The following UCMA variants were observed in gnomAD, a reference collection of about 807,000 sequenced individuals.
The protein encoded by UCMA is upper zone of growth plate and cartilage matrix associated, also known as upper zone of growth plate and cartilage matrix-associated protein.
Under a neutral mutation model 21.8 loss-of-function variants are expected in UCMA, and 21 were observed. That is an observed-to-expected ratio of 0.97 (90% CI 0.68 to 1.39). The LOEUF (loss-of-function observed/expected upper bound fraction) is 1.39, where lower values mean the gene tolerates loss of function less well. Among genes scored for constraint, UCMA ranks in the 40% most tolerant of loss-of-function variants. UCMA has a pLI of 0.00. For synonymous variants in UCMA, 76 were observed against 67.9 expected, an observed-to-expected ratio of 1.12 and a Z score of -0.58; for missense variants, 193 against 178.9, an observed-to-expected ratio of 1.08 and a Z score of -0.45.
chr10:13,232,314 A>G (rs572254751), intron 3 of UCMA, among the ~76,000 whole-genome samples: 27 of 147,878 alleles, frequency 1.8e-4, no homozygotes, highest in Non-Finnish European at 3.6e-4. Flanking sequence ...GGAGGTTGCA[A>G]TGAGCCAAGA....
At chr10:13,223,316 G>A (rs745399969) in intron 4 of UCMA, among the ~76,000 whole-genome samples, 4 of 151,948 alleles carry the variant, frequency 2.6e-5, no homozygotes, top group Admixed American at 6.6e-5. Flanking sequence ...CTACGTGAAT[G>A]TTCGTAGCGC....
chr10:13,224,014 G>A (rs75473749), intron 4 of UCMA, among the ~76,000 whole-genome samples: 1 of 152,122 alleles, frequency 6.6e-6, no homozygotes, highest in Non-Finnish European at 1.5e-5. Context: ...AGTAAATGCT[G>A]CTGAATCGTA....
intron 4 of UCMA, 26 bp downstream of exon 4, chr10:13,229,585 G>A (rs1005852154): frequency 6.2e-7 from 1 of 1,601,854 alleles, no homozygotes; most frequent in Non-Finnish European, 8.5e-7. Context: ...CCACCTCCCT[G>A]AAGACACTGG....
intron 4 of UCMA, among the ~76,000 whole-genome samples, chr10:13,223,584 C>G (rs766894665): frequency 1.3e-5 from 2 of 152,100 alleles, no homozygotes; most frequent in Non-Finnish European, 2.9e-5. Context: ...TTTTGACTCT[C>G]GCTCTGTCAC....
intron 4 of UCMA, among the ~76,000 whole-genome samples, chr10:13,225,902 C>T (rs1437412479): frequency 6.6e-6 from 1 of 152,082 alleles, no homozygotes; most frequent in Non-Finnish European, 1.5e-5. Context: ...TTCCAAAACT[C>T]ATCCTCCGGA....
intron 1 of UCMA, 75 bp from the exon 2 acceptor site, chr10:13,233,875 C>T: frequency 6.3e-7 from 1 of 1,576,122 alleles, no homozygotes; most frequent in Non-Finnish European, 8.6e-7. Flanking sequence ...CCCCATCTCT[C>T]TTTCCAGGCT....
In UCMA at chr10:13,234,286, G is replaced by C. The variant is rs773225819; in HGVS notation, c.-28C>G. On this transcript the variant is annotated 5_prime_UTR_variant, in exon 1 of 5. Transcript: ENST00000378681. ...TTGCAGAGGTAGGGGCTCCGTCCAG[G>C]ACCCACAAGGCAGACCAGGCGTCCT... The C allele has an allele frequency of 3.7e-6, 6 of 1,611,900 alleles. No homozygotes were observed. Among genetic ancestry groups the C allele is most frequent in the Non-Finnish European group, 5.1e-6 (6 of 1,179,502 alleles).
intron 4 of UCMA, among the ~76,000 whole-genome samples, chr10:13,223,434 G>A (rs563979515): frequency 6.6e-6 from 1 of 152,268 alleles, no homozygotes; most frequent in African/African-American, 2.4e-5. Context: ...AAAAAGGAAT[G>A]AAGTTCTGGC....
intron 4 of UCMA, 138 bp from the exon 5 acceptor site, chr10:13,222,338 G>T: frequency 2.8e-6 from 2 of 717,452 alleles, no homozygotes. Context: ...GAGAAGGCCA[G>T]GACTGGTGAG....
chr10:13,225,502 G>A (rs1160375975), intron 4 of UCMA, among the ~76,000 whole-genome samples: 8 of 151,724 alleles, frequency 5.3e-5, no homozygotes, highest in Non-Finnish European at 1.0e-4. Context: ...TGGTGAAACC[G>A]TGTCTCTACT....
chr10:13,231,239 G>A (rs970655109), intron 3 of UCMA, among the ~76,000 whole-genome samples: 2 of 152,074 alleles, frequency 1.3e-5, no homozygotes, highest in Admixed American at 6.6e-5. Context: ...CTTCCCAAAC[G>A]TCTGCCGTGA....
chr10:13,234,343 C>A lies in UCMA; in HGVS notation c.-85G>T. 1 of 1,446,724 alleles carries A rather than the reference C, an allele frequency of 6.9e-7. No homozygotes were observed. Among genetic ancestry groups the A allele is most frequent in the South Asian group, 1.3e-5 (1 of 78,146 alleles). 89.6% of individuals were successfully genotyped at this position (1,446,724 alleles called of 1,614,324 possible). The stretch of plus-strand genomic sequence containing the variant: ...TTTGGGTCCCCACTTCTGAGGCAGG[C>A]AGCCCAGGCGAGAGGAAGGAAGGCG... On this transcript the variant is annotated 5_prime_UTR_variant, in exon 1 of 5. Coordinates refer to ENST00000378681, the MANE Select transcript of UCMA (RefSeq NM_145314.3).
At chr10:13,232,134 G>A (rs952450650) in intron 3 of UCMA, among the ~76,000 whole-genome samples, 1 of 140,100 alleles carries the variant, frequency 7.1e-6, no homozygotes, top group Non-Finnish European at 1.6e-5. Context: ...AGCACTCTAA[G>A]AGGCCGAGGC....
In UCMA at chr10:13,233,567, C is replaced by T. The variant is rs753767486; in HGVS notation, c.191G>A (p.Arg64Gln). Residue 64 changes from arginine (R) to glutamine (Q), a missense_variant, in exon 3 of 5, where the codon CGG (arginine) becomes CAG (glutamine). Coordinates refer to ENST00000378681, the MANE Select transcript of UCMA (RefSeq NM_145314.3). ...GACCTCATCTCTGGACTTGGGGGAC[C>T]GCTTGCCGCGCCTCTTGAGGAAATT... ...ASNFLKRRGK[R>Q]SPKSRDEVNV... is the part of the protein sequence containing the mutation. 1.5e-5 allele frequency: 24 copies of T among 1,614,026 alleles called. No homozygotes were observed. Among genetic ancestry groups the T allele is most frequent in the Middle Eastern group, 3.3e-4 (2 of 6,062 alleles).
At chr10:13,223,820 A>G (rs1489944736) in intron 4 of UCMA, among the ~76,000 whole-genome samples, 2 of 151,982 alleles carry the variant, frequency 1.3e-5, no homozygotes, top group African/African-American at 4.8e-5. Context: ...CCAAAGCACT[A>G]GTATTACAGG....
Position 13,233,743 on chromosome 10 carries a change from G to T in UCMA, c.116C>A (p.Ala39Glu), listed in dbSNP as rs199777953. 1.9e-6 allele frequency: 3 copies of T among 1,613,922 alleles called. No homozygotes were observed. The highest frequency in any genetic ancestry group is 2.5e-6 in the Non-Finnish European group (3 of 1,180,014). ...GTGGCCCCTGCACTCACCTTCACTCGCCTCTTCTCCCGCCATCTGCATGGT... is the reference window on the plus strand; with the variant it reads ...GTGGCCCCTGCACTCACCTTCACTCTCCTCTTCTCCCGCCATCTGCATGGT... ...VGTMQMAGEE[A>E]SEDAKQKIFM... is the part of the protein sequence containing the mutation. Residue 39 changes from alanine (A) to glutamate (E), a missense_variant, in exon 2 of 5, where the codon GCG (alanine) becomes GAG (glutamate). Coordinates refer to ENST00000378681, the MANE Select transcript of UCMA (RefSeq NM_145314.3).
At chr10:13,225,629 A>C (rs11258273) in intron 4 of UCMA, among the ~76,000 whole-genome samples, 62,147 of 147,354 alleles carry the variant, frequency 0.42, 13,486 homozygotes, top group African/African-American at 0.49. Context: ...GAGCCGAGAT[A>C]GCGCCACTGC....
chr10:13,222,002 G>A lies in UCMA; in HGVS notation c.*101C>T. On this transcript the variant is annotated 3_prime_UTR_variant, in exon 5 of 5. Coordinates refer to ENST00000378681, the MANE Select transcript of UCMA (RefSeq NM_145314.3). ...TGCTGGCCACTGCAGACCCCAAGCT[G>A]AGACCCTCTGAAGGGCCGGTTTGCA... 1 of 1,253,900 alleles carries A rather than the reference G, an allele frequency of 8.0e-7. No homozygotes were observed. Among genetic ancestry groups the A allele is most frequent in the Non-Finnish European group, 1.2e-6 (1 of 869,534 alleles). The allele number at this position is 1,253,900 out of a possible 1,614,324, so 77.7% of individuals were successfully genotyped here.
At chr10:13,234,044 T>G (rs1834937236) in intron 1 of UCMA, among the ~76,000 whole-genome samples, 157 bp downstream of exon 1, 1 of 152,048 alleles carries the variant, frequency 6.6e-6, no homozygotes, top group Non-Finnish European at 1.5e-5. Context: ...TTTTCTGTAT[T>G]GCATTGTGTC....
Sources: gnomAD v4.1 joint callset for allele counts (sites outside exome capture counted in the v4.1 genomes callset) on GRCh38, gnomAD v4.1.1 for gene constraint, MANE v1.5 for transcripts, NCBI Gene and HGNC (gene_info 2026-07-23, HGNC 2026-07-21) for gene names.